Variants in XKR4 observed in about 807,000 individuals in gnomAD.
XKR4 encodes XK related 4.
In XKR4, 12 loss-of-function variants were observed where a neutral mutation model predicts 53.9. The observed-to-expected ratio is 0.22, with a 90% CI of 0.14 to 0.36. The LOEUF is 0.36. XKR4 is among the 10% of genes least tolerant of loss of function. The pLI is 1.00. For missense variants in XKR4, 799 were observed against 859.5 expected, an observed-to-expected ratio of 0.93 and a Z score of 0.88; for synonymous variants, 354 against 362.4, an observed-to-expected ratio of 0.98 and a Z score of 0.26.
rs1285515415 is a variant in XKR4, at chr8:55,526,882, G to A, written c.*2655G>A. The A allele has an allele frequency of 6.6e-6, 1 of 152,214 alleles. No homozygotes were observed. The highest frequency in any genetic ancestry group is 1.5e-5 in the Non-Finnish European group (1 of 68,036). The allele number at this position is 152,214 out of a possible 1,614,324, so 9.4% of individuals were successfully genotyped here. Reference sequence around the variant, plus strand: ...GAGATTGGCAGTCAGGAGAATGTAAGGAGGTTGAATTTTTCAGTGATTTCC... The same window carrying A: ...GAGATTGGCAGTCAGGAGAATGTAAAGAGGTTGAATTTTTCAGTGATTTCC... On this transcript the variant is annotated 3_prime_UTR_variant, in exon 3 of 3. Coordinates refer to ENST00000327381, the MANE Select transcript of XKR4 (RefSeq NM_052898.2).
chr8:55,225,652 G>A (rs910964824), intron 1 of XKR4, among the ~76,000 whole-genome samples: 6 of 152,200 alleles, frequency 3.9e-5, no homozygotes, highest in East Asian at 1.9e-4. Flanking sequence ...AACTATGCAT[G>A]AAACCATCAC....
At chr8:55,486,139 T>TA (rs957481269) in intron 2 of XKR4, among the ~76,000 whole-genome samples, 1 of 152,072 alleles carries the variant, frequency 6.6e-6, no homozygotes, top group Non-Finnish European at 1.5e-5. Flanking sequence ...AGATGAACCA[T>TA]AAAAAAATCT....
chr8:55,297,805 C>A (rs952997819), intron 1 of XKR4, among the ~76,000 whole-genome samples: 1 of 152,144 alleles, frequency 6.6e-6, no homozygotes, highest in African/African-American at 2.4e-5. Flanking sequence ...GAAGATGGAC[C>A]TATTGGCTTT....
At chr8:55,309,428 G>A (rs1448322820) in intron 1 of XKR4, among the ~76,000 whole-genome samples, 2 of 152,232 alleles carry the variant, frequency 1.3e-5, no homozygotes, top group Non-Finnish European at 2.9e-5. Context: ...GAGAAAGTGT[G>A]AGAGGGAATA....
At position 55,527,663 on chromosome 8, in the gene XKR4, T is replaced by C. The variant is rs772326257; in HGVS notation, c.*3436T>C. The C allele has an allele frequency of 3.3e-5, 5 of 152,228 alleles. No homozygotes were observed. The highest frequency in any genetic ancestry group is 6.5e-5 in the Admixed American group (1 of 15,284). 9.4% of individuals were successfully genotyped at this position (152,228 alleles called of 1,614,324 possible). Reference sequence around the variant, plus strand: ...CTTAACTACATACTGTCTAGTTCAATAGCACTGACTTTGCAGACACTTAGT... The same window carrying C: ...CTTAACTACATACTGTCTAGTTCAACAGCACTGACTTTGCAGACACTTAGT... On this transcript the variant is annotated 3_prime_UTR_variant, in exon 3 of 3. Coordinates refer to ENST00000327381, the MANE Select transcript of XKR4 (RefSeq NM_052898.2).
At chr8:55,269,412 T>A (rs1413236383) in intron 1 of XKR4, among the ~76,000 whole-genome samples, 1 of 152,174 alleles carries the variant, frequency 6.6e-6, no homozygotes, top group African/African-American at 2.4e-5. Context: ...CATACCATAG[T>A]TTATAAATTG....
chr8:55,377,993 C>T (rs112487180), intron 2 of XKR4, among the ~76,000 whole-genome samples: 437 of 152,246 alleles, frequency 2.9e-3, no homozygotes, highest in Non-Finnish European at 5.0e-3. Flanking sequence ...AACCTGTTGC[C>T]ATAGTACCAA....
At chr8:55,281,751 C>CA (rs1043155748) in intron 1 of XKR4, among the ~76,000 whole-genome samples, 2 of 152,170 alleles carry the variant, frequency 1.3e-5, no homozygotes, top group African/African-American at 4.8e-5. Context: ...CATGTTCTGT[C>CA]AAAAAATCCC....
intron 1 of XKR4, among the ~76,000 whole-genome samples, chr8:55,266,886 G>C (rs1818611393): frequency 6.6e-6 from 1 of 152,140 alleles, no homozygotes; most frequent in Non-Finnish European, 1.5e-5. Context: ...CATGCCTGTG[G>C]GATAGAGTGC....
chr8:55,119,710 C>G (rs574279423), intron 1 of XKR4, among the ~76,000 whole-genome samples: 1 of 152,134 alleles, frequency 6.6e-6, no homozygotes. Flanking sequence ...AAAGAAGTTT[C>G]CTGTACTCTT....
intron 2 of XKR4, chr8:55,454,671 C>A: frequency 1.1e-6 from 1 of 950,204 alleles, no homozygotes; most frequent in Admixed American, 1.7e-5. Context: ...CAATTACGTT[C>A]CCTGGGAACA....
chr8:55,371,696 C>T (rs948464845), intron 2 of XKR4, among the ~76,000 whole-genome samples: 7 of 152,136 alleles, frequency 4.6e-5, no homozygotes, highest in Non-Finnish European at 1.0e-4. Context: ...TGATGGTTGT[C>T]GTGGAGGTAA....
chr8:55,469,384 A>C (rs1805837798), intron 2 of XKR4, among the ~76,000 whole-genome samples: 1 of 152,030 alleles, frequency 6.6e-6, no homozygotes, highest in African/African-American at 2.4e-5. Flanking sequence ...CCAGTGTCTT[A>C]GCCTCCCAAG....
At chr8:55,244,780 C>T (rs933937897) in intron 1 of XKR4, among the ~76,000 whole-genome samples, 14 of 152,064 alleles carry the variant, frequency 9.2e-5, no homozygotes, top group Admixed American at 5.9e-4. Flanking sequence ...GATGACATCA[C>T]ATTGTGGTTT....
At chr8:55,441,584 T>G (rs1373191728) in intron 2 of XKR4, among the ~76,000 whole-genome samples, 1 of 152,228 alleles carries the variant, frequency 6.6e-6, no homozygotes, top group Non-Finnish European at 1.5e-5. Flanking sequence ...GGATCATTTA[T>G]GACAACAGAC....
At chr8:55,455,272 C>T (rs1171865662) in intron 2 of XKR4, 1 of 165,484 alleles carries the variant, frequency 6.0e-6, no homozygotes, top group Non-Finnish European at 1.3e-5. Flanking sequence ...GCTGCGGCTG[C>T]GGCGGCGGCC....
At chr8:55,499,777 G>A (rs147214915) in intron 2 of XKR4, among the ~76,000 whole-genome samples, 1 of 152,182 alleles carries the variant, frequency 6.6e-6, no homozygotes, top group Non-Finnish European at 1.5e-5. Context: ...TGAATATCCA[G>A]CTGTTGCGCT....
chr8:55,370,020 A>C (rs927953499), intron 2 of XKR4, among the ~76,000 whole-genome samples: 3 of 152,150 alleles, frequency 2.0e-5, no homozygotes, highest in Non-Finnish European at 4.4e-5. Flanking sequence ...TGATTGTACC[A>C]GTGTACTCCA....
At chr8:55,230,852 T>C (rs938770493) in intron 1 of XKR4, among the ~76,000 whole-genome samples, 1 of 152,050 alleles carries the variant, frequency 6.6e-6, no homozygotes, top group African/African-American at 2.4e-5. Flanking sequence ...TACACAGAGA[T>C]CCCGCCAAGC....
Sources: allele counts gnomAD v4.1 joint callset (sites outside exome capture counted in the v4.1 genomes callset), GRCh38; gene constraint gnomAD v4.1.1; transcripts MANE v1.5; gene names NCBI Gene and HGNC (gene_info 2026-07-23, HGNC 2026-07-21).